The following COL11A1 variants were observed in gnomAD, a reference collection of about 807,000 sequenced individuals.
The protein encoded by COL11A1 is collagen type XI alpha 1 chain, also known as collagen alpha-1(XI) chain.
COL11A1 carries 74 observed loss-of-function variants against 265.2 expected under a neutral mutation model. The observed-to-expected ratio is 0.28, with a 90% CI of 0.23 to 0.34. The LOEUF is 0.34. Ranked by LOEUF, COL11A1 falls within the 10% of genes least tolerant of loss-of-function variation. The probability of loss-of-function intolerance (pLI) is 1.00; values close to 1 mark genes in which losing one functional copy is unlikely to be tolerated. For synonymous variants in COL11A1, 816 were observed against 727.6 expected (o/e 1.12, Z -1.96); for missense variants, 2,165 against 2,263.6 (o/e 0.96, Z 0.88).
chr1:103,054,768 G>A (rs948986390), intron 4 of COL11A1, among the ~76,000 whole-genome samples: 3 of 152,014 alleles, frequency 2.0e-5, no homozygotes, highest in Non-Finnish European at 4.4e-5. Context: ...AGGCATGGTG[G>A]TGCATGCCTG....
intron 4 of COL11A1, among the ~76,000 whole-genome samples, chr1:103,046,626 A>G (rs1298396137): frequency 6.6e-6 from 1 of 150,498 alleles, no homozygotes; most frequent in East Asian, 2.0e-4. Context: ...CCCATTTGTC[A>G]ATTTTGTCTT....
chr1:103,075,872 C>T (rs1389881687), intron 3 of COL11A1, among the ~76,000 whole-genome samples: 1 of 152,052 alleles, frequency 6.6e-6, no homozygotes, highest in Non-Finnish European at 1.5e-5. Flanking sequence ...GAACATTCAA[C>T]TGGCATAGGT....
At chr1:102,936,863 G>C (rs919137717) in intron 44 of COL11A1, among the ~76,000 whole-genome samples, 1 of 151,906 alleles carries the variant, frequency 6.6e-6, no homozygotes, top group African/African-American at 2.4e-5. Flanking sequence ...TAAAATCAAA[G>C]AATATTCAAA....
chr1:103,018,357 G>A (rs35037054), intron 10 of COL11A1, among the ~76,000 whole-genome samples: 3,680 of 152,156 alleles, frequency 0.024, 62 homozygotes, highest in Middle Eastern at 0.092. Context: ...TTATTACAAG[G>A]TCTTATCAGT....
At chr1:102,919,008 G>T (rs1052699156) in intron 49 of COL11A1, among the ~76,000 whole-genome samples, 1 of 152,048 alleles carries the variant, frequency 6.6e-6, no homozygotes. Flanking sequence ...AGGAGATGAT[G>T]CAAAGAGAAG....
intron 36 of COL11A1, 65 bp downstream of exon 36, chr1:102,974,765 G>T: frequency 8.4e-7 from 1 of 1,190,954 alleles, no homozygotes; most frequent in Non-Finnish European, 1.3e-6. Flanking sequence ...ATAAATGTAA[G>T]CTGTGACTCT....
At chr1:102,976,258 A>C (rs2061705) in intron 35 of COL11A1, among the ~76,000 whole-genome samples, 1 of 142,402 alleles carries the variant, frequency 7.0e-6, no homozygotes, top group South Asian at 2.3e-4. Context: ...TGAAAAATTG[A>C]GTCTTTATAA....
At chr1:103,047,942 A>C (rs568120365) in intron 4 of COL11A1, among the ~76,000 whole-genome samples, 1 of 152,310 alleles carries the variant, frequency 6.6e-6, no homozygotes, top group African/African-American at 2.4e-5. Flanking sequence ...CTTGCATCCC[A>C]GGGATGAAGC....
intron 38 of COL11A1, among the ~76,000 whole-genome samples, chr1:102,964,587 GGTGT>G (rs10627254): frequency 5.3e-4 from 79 of 149,524 alleles, no homozygotes; most frequent in African/African-American, 1.8e-3. Context: ...TTTCTCTAGG[GGTGT>G]GTGTGTGTGT....
At chr1:102,976,654 CATA>C (rs1478474271) in intron 35 of COL11A1, among the ~76,000 whole-genome samples, 3 of 151,966 alleles carry the variant, frequency 2.0e-5, no homozygotes, top group Non-Finnish European at 4.4e-5. Flanking sequence ...TTAAGAAATC[CATA>C]ATGACTCAGT....
intron 4 of COL11A1, among the ~76,000 whole-genome samples, chr1:103,069,405 TA>T (rs1244491911): frequency 6.6e-6 from 1 of 151,720 alleles, no homozygotes; most frequent in Non-Finnish European, 1.5e-5. Flanking sequence ...ACACAAATAT[TA>T]ACTCAAAATG....
intron 4 of COL11A1, among the ~76,000 whole-genome samples, chr1:103,047,375 A>T (rs937041982): frequency 2.6e-5 from 4 of 152,090 alleles, no homozygotes; most frequent in Non-Finnish European, 5.9e-5. Flanking sequence ...AAAAATTGTG[A>T]GTGGGAATTC....
At chr1:103,050,940 C>G (rs921340270) in intron 4 of COL11A1, among the ~76,000 whole-genome samples, 3 of 152,202 alleles carry the variant, frequency 2.0e-5, no homozygotes, top group Non-Finnish European at 4.4e-5. Flanking sequence ...ACAAATGCTG[C>G]GGCCTGATTG....
chr1:103,019,987 C>A (rs12025793), intron 9 of COL11A1, among the ~76,000 whole-genome samples: 123,604 of 132,634 alleles, frequency 0.93, 57,866 homozygotes, highest in East Asian at 1. Context: ...CCAGTCTATC[C>A]TTGTTGGACA....
chr1:103,084,081 AATTGTGATCAATACAT>A (rs1439751453), intron 1 of COL11A1, among the ~76,000 whole-genome samples: 2 of 152,140 alleles, frequency 1.3e-5, no homozygotes, highest in Non-Finnish European at 2.9e-5. Context: ...TATTATCTTT[AATTGTGATCAATACAT>A]ATAACATTAA....
chr1:103,076,869 T>A (rs12131399), intron 3 of COL11A1, among the ~76,000 whole-genome samples: 16,042 of 152,150 alleles, frequency 0.11, 1,063 homozygotes, highest in Non-Finnish European at 0.14. Flanking sequence ...GGCTAATAGA[T>A]AAATACTTAT....
chr1:103,049,421 C>T (rs1193749863), intron 4 of COL11A1, among the ~76,000 whole-genome samples: 1 of 152,118 alleles, frequency 6.6e-6, no homozygotes, highest in Non-Finnish European at 1.5e-5. Context: ...AGCATTGCAA[C>T]CCCTGCCTTT....
chr1:102,934,465 C>A lies in COL11A1; in HGVS notation c.3584G>T (p.Gly1195Val). ...TCATCTTACCTGAAGACCTATTGGA[C>A]CAGGAGGTCCAGGGAAGCCTCTGGC... is the stretch of plus-strand genomic sequence containing the variant. ...EGARGFPGPP[G>V]PIGLQGLPGP... is the part of the protein sequence containing the mutation. The change falls in exon 46 of 67, where the codon GGT (glycine) becomes GTT (valine). Residue 1195 changes from glycine (G) to valine (V), a missense_variant. Coordinates refer to ENST00000370096, the MANE Select transcript of COL11A1 (RefSeq NM_001854.4). 6.2e-7 allele frequency: 1 copy of A among 1,613,146 alleles called. No homozygotes were observed. Among genetic ancestry groups the A allele is most frequent in the Non-Finnish European group, 8.5e-7 (1 of 1,179,112 alleles).
intron 36 of COL11A1, among the ~76,000 whole-genome samples, chr1:102,971,233 G>T (rs1469786629): frequency 6.6e-6 from 1 of 152,140 alleles, no homozygotes; most frequent in African/African-American, 2.4e-5. Flanking sequence ...CTATCACTTT[G>T]TATAAAGGAT....
Sources: gnomAD v4.1 joint callset for allele counts (sites outside exome capture counted in the v4.1 genomes callset) on GRCh38, gnomAD v4.1.1 for gene constraint, MANE v1.5 for transcripts, NCBI Gene and HGNC (gene_info 2026-07-23, HGNC 2026-07-21) for gene names.